TACC1: variants seen among roughly 807,000 people sequenced by gnomAD.
The protein encoded by TACC1 is transforming acidic coiled-coil containing protein 1.
TACC1 carries 48 observed loss-of-function variants against 84.4 expected under a neutral mutation model. That is an observed-to-expected ratio of 0.57 (90% CI 0.45 to 0.72). The LOEUF is 0.72. Ranked by LOEUF, TACC1 falls within the 30% of genes least tolerant of loss-of-function variation. The pLI is 0.00. For synonymous variants in TACC1, 372 were observed against 376.3 expected, an observed-to-expected ratio of 0.99 and a Z score of 0.13; for missense variants, 920 against 973.0, an observed-to-expected ratio of 0.95 and a Z score of 0.72.
intron 3 of TACC1, among the ~76,000 whole-genome samples, chr8:38,778,274 T>TTGTGTGTGTGTGTGTGTG (rs3076914): frequency 3.4e-5 from 5 of 148,256 alleles, no homozygotes; most frequent in African/African-American, 1.2e-4. Context: ...ATAATTAAAA[T>TTGTGTGTGTGTGTGTGTG]TGTGTGTGTG....
chr8:38,827,797 G>T (rs1828430742), intron 5 of TACC1: 1 of 168,040 alleles, frequency 6.0e-6, no homozygotes, highest in Non-Finnish European at 1.3e-5. Flanking sequence ...CCTGCTTCTG[G>T]TGAGGGACTC....
At chr8:38,814,692 G>T (rs1737479133) in intron 2 of TACC1, among the ~76,000 whole-genome samples, 1 of 152,156 alleles carries the variant, frequency 6.6e-6, no homozygotes, top group Admixed American at 6.5e-5. Context: ...ACAGAACAGG[G>T]TTTAAATAAT....
intron 3 of TACC1, among the ~76,000 whole-genome samples, chr8:38,769,841 G>A (rs905266725): frequency 6.7e-6 from 1 of 148,608 alleles, no homozygotes. Context: ...GGCTGTATGG[G>A]TTAGGGGTGT....
chr8:38,826,899 T>G (rs1204522033), intron 4 of TACC1, among the ~76,000 whole-genome samples: 2 of 152,212 alleles, frequency 1.3e-5, no homozygotes, highest in Admixed American at 6.5e-5. Flanking sequence ...AACCATTGTC[T>G]TAAACCACTG....
intron 3 of TACC1, among the ~76,000 whole-genome samples, chr8:38,765,014 G>A (rs1034638707): frequency 6.6e-6 from 1 of 151,852 alleles, no homozygotes; most frequent in Admixed American, 6.6e-5. Context: ...CAGGATAATC[G>A]CTTGAACCGG....
intron 3 of TACC1, among the ~76,000 whole-genome samples, chr8:38,755,753 A>AACAAC (rs1554496269): frequency 3.6e-5 from 3 of 82,780 alleles, no homozygotes; most frequent in Non-Finnish European, 5.5e-5. Flanking sequence ...CAACAACAAC[A>AACAAC]GAGTGTTCCT....
chr8:38,764,426 TAAA>T (rs71216685), intron 3 of TACC1, among the ~76,000 whole-genome samples: 16 of 100,966 alleles, frequency 1.6e-4, no homozygotes, highest in Admixed American at 3.1e-4. Flanking sequence ...ATCAATTTGG[TAAA>T]AAAAAAAAAA....
At chr8:38,749,826 A>T (rs148910192) in intron 3 of TACC1, among the ~76,000 whole-genome samples, 72 of 152,248 alleles carry the variant, frequency 4.7e-4, no homozygotes, top group African/African-American at 1.6e-3. Context: ...GCCTGACCTC[A>T]TGATCCACCC....
intron 1 of TACC1, among the ~76,000 whole-genome samples, chr8:38,731,765 A>C (rs1008074757): frequency 6.6e-6 from 1 of 151,908 alleles, no homozygotes; most frequent in Non-Finnish European, 1.5e-5. Context: ...CAACAACAAC[A>C]ACAAAACTAG....
intron 7 of TACC1, 84 bp from the exon 8 acceptor site, chr8:38,838,386 G>GA: frequency 2.2e-6 from 2 of 903,918 alleles, no homozygotes; most frequent in South Asian, 2.8e-5. Flanking sequence ...TCTTGGGTTA[G>GA]ACCTGGTTGT....
intron 1 of TACC1, among the ~76,000 whole-genome samples, chr8:38,741,164 T>C (rs1806994922): frequency 6.6e-6 from 1 of 151,942 alleles, no homozygotes; most frequent in Admixed American, 6.6e-5. Context: ...GCTATTTTTT[T>C]TTTTTTTTTG....
intron 3 of TACC1, among the ~76,000 whole-genome samples, chr8:38,773,573 G>T (rs78204120): frequency 0.072 from 8,336 of 116,234 alleles, 351 homozygotes; most frequent in Non-Finnish European, 0.12. Flanking sequence ...TATCTATCTA[G>T]CTAGCTATCT....
At chr8:38,760,212 A>G (rs1377013200) in intron 3 of TACC1, among the ~76,000 whole-genome samples, 1 of 152,258 alleles carries the variant, frequency 6.6e-6, no homozygotes, top group African/African-American at 2.4e-5. Context: ...AAATATAAAC[A>G]AGCATAGATG....
At chr8:38,827,657 T>G (rs1036393680) in intron 5 of TACC1, 1 of 435,540 alleles carries the variant, frequency 2.3e-6, no homozygotes, top group Admixed American at 3.9e-5. Context: ...TGGCCATATC[T>G]TAAAGTATAG....
At chr8:38,743,266 C>T (rs772372977) in intron 2 of TACC1, among the ~76,000 whole-genome samples, 8 of 150,890 alleles carry the variant, frequency 5.3e-5, no homozygotes, top group Admixed American at 6.6e-5. Flanking sequence ...AGACAGACAT[C>T]AAGGTAGGCA....
At chr8:38,773,240 T>C in intron 3 of TACC1, among the ~76,000 whole-genome samples, 1 of 152,036 alleles carries the variant, frequency 6.6e-6, no homozygotes. Flanking sequence ...GCAGGAGAAT[T>C]GCTTGAAATT....
intron 2 of TACC1, among the ~76,000 whole-genome samples, chr8:38,816,620 AT>A (rs1825498325): frequency 6.6e-6 from 1 of 152,164 alleles, no homozygotes; most frequent in African/African-American, 2.4e-5. Flanking sequence ...AAATACTTAT[AT>A]TTACTGGCTT....
At chr8:38,756,454 G>A (rs1044878079) in intron 3 of TACC1, among the ~76,000 whole-genome samples, 2 of 152,068 alleles carry the variant, frequency 1.3e-5, no homozygotes, top group Admixed American at 1.3e-4. Flanking sequence ...GAGAGGAGGT[G>A]GGTGGGAGGC....
intron 5 of TACC1, among the ~76,000 whole-genome samples, chr8:38,828,527 G>A (rs2037203): frequency 0.51 from 77,893 of 152,034 alleles, 20,073 homozygotes; most frequent in Middle Eastern, 0.58. Flanking sequence ...GGTGTGATCT[G>A]TGGTAATAAA....
Sources: gnomAD v4.1 joint callset for allele counts (sites outside exome capture counted in the v4.1 genomes callset) on GRCh38, gnomAD v4.1.1 for gene constraint, MANE v1.5 for transcripts, NCBI Gene and HGNC (gene_info 2026-07-23, HGNC 2026-07-21) for gene names.